NXPE2: variants seen among roughly 807,000 people sequenced by gnomAD.
NXPE2 encodes neurexophilin and PC-esterase domain family member 2.
A neutral mutation model predicts 34.4 loss-of-function variants in NXPE2; 34 were observed. The ratio of observed to expected loss-of-function variants is 0.99; its 90% CI spans 0.75 to 1.31. NXPE2 has a LOEUF of 1.31. Among genes scored for constraint, NXPE2 ranks in the 40% most tolerant of loss-of-function variants. The probability of loss-of-function intolerance (pLI) is 0.00; values close to 1 mark genes in which losing one functional copy is unlikely to be tolerated. For synonymous variants in NXPE2, 235 were observed against 231.3 expected (o/e 1.02, Z -0.15); for missense variants, 649 against 672.5 (o/e 0.97, Z 0.39).
the NXPE2 span, among the ~76,000 whole-genome samples, chr11:114,739,023 G>T: frequency 6.6e-6 from 1 of 152,142 alleles, no homozygotes; most frequent in Non-Finnish European, 1.5e-5. Flanking sequence ...AATGAAAGTA[G>T]AAGACAAATG....
chr11:114,495,694 A>T, the NXPE2 span, among the ~76,000 whole-genome samples: 1 of 152,258 alleles, frequency 6.6e-6, no homozygotes, highest in East Asian at 1.9e-4. Context: ...CTATTAGCTT[A>T]TTCAGGGCCT....
At chr11:114,654,667 T>C in the NXPE2 span, among the ~76,000 whole-genome samples, 2 of 152,230 alleles carry the variant, frequency 1.3e-5, no homozygotes. Context: ...TTTTTATGGA[T>C]GCATAGTATT....
intron 2 of NXPE2, among the ~76,000 whole-genome samples, chr11:114,691,985 T>C (rs1249027797): frequency 6.6e-6 from 1 of 152,128 alleles, no homozygotes; most frequent in Admixed American, 6.5e-5. Context: ...AGGAGAAACT[T>C]TGGCTTCAGA....
At chr11:114,538,817 C>T in the NXPE2 span, among the ~76,000 whole-genome samples, 2 of 152,118 alleles carry the variant, frequency 1.3e-5, no homozygotes, top group Non-Finnish European at 2.9e-5. Context: ...GAAATAGGAA[C>T]ACTTTTACAT....
chr11:114,683,205 A>G (rs2135535198), intron 2 of NXPE2, among the ~76,000 whole-genome samples: 1 of 152,150 alleles, frequency 6.6e-6, no homozygotes, highest in Admixed American at 6.5e-5. Context: ...GCTGTTCATG[A>G]CTTGCTTGGA....
chr11:114,690,458 A>T (rs1324980583), intron 2 of NXPE2, among the ~76,000 whole-genome samples: 1 of 152,094 alleles, frequency 6.6e-6, no homozygotes, highest in African/African-American at 2.4e-5. Context: ...TTCAGCTGAG[A>T]AGTCTGCTGT....
At chr11:114,618,779 A>G in the NXPE2 span, among the ~76,000 whole-genome samples, 2 of 152,032 alleles carry the variant, frequency 1.3e-5, no homozygotes, top group Non-Finnish European at 2.9e-5. Context: ...GTGGATAAAA[A>G]GTGTTGCCTC....
chr11:114,497,491 T>A, the NXPE2 span, among the ~76,000 whole-genome samples: 1 of 150,746 alleles, frequency 6.6e-6, no homozygotes, highest in African/African-American at 2.4e-5. Context: ...TTAACCGTAC[T>A]TTTTCTATGT....
chr11:114,780,967 G>A, the NXPE2 span, among the ~76,000 whole-genome samples: 2 of 152,202 alleles, frequency 1.3e-5, no homozygotes, highest in Non-Finnish European at 2.9e-5. Flanking sequence ...GTGCAGCGGC[G>A]TGAGGCTTGC....
chr11:114,692,755 T>C (rs1179985875), intron 2 of NXPE2, among the ~76,000 whole-genome samples: 1 of 152,238 alleles, frequency 6.6e-6, no homozygotes, highest in Non-Finnish European at 1.5e-5. Context: ...AAGCATTCTC[T>C]ACTAGCTAAT....
chr11:114,729,075 C>T, the NXPE2 span, among the ~76,000 whole-genome samples: 1 of 152,094 alleles, frequency 6.6e-6, no homozygotes, highest in East Asian at 1.9e-4. Flanking sequence ...CCCCTCCCTT[C>T]CTCCCTATTC....
downstream of NXPE2, among the ~76,000 whole-genome samples, chr11:114,711,507 A>G (rs79418550): frequency 6.6e-6 from 1 of 152,100 alleles, no homozygotes; most frequent in Non-Finnish European, 1.5e-5. Context: ...TAAGAAAACA[A>G]TCCCATTTCT....
intron 3 of NXPE2, 51 bp from the exon 4 acceptor site, chr11:114,703,940 C>T (rs1361864576): frequency 1.5e-6 from 2 of 1,318,262 alleles, no homozygotes; most frequent in African/African-American, 1.5e-5. Context: ...GTGATTCCTA[C>T]TTTATTATCT....
At chr11:114,797,444 A>T in the NXPE2 span, among the ~76,000 whole-genome samples, 1 of 152,036 alleles carries the variant, frequency 6.6e-6, no homozygotes, top group South Asian at 2.1e-4. Flanking sequence ...TCTCAAGGAG[A>T]TGCTTAAATA....
the NXPE2 span, among the ~76,000 whole-genome samples, chr11:114,753,286 G>A: frequency 4.6e-5 from 7 of 152,242 alleles, no homozygotes; most frequent in African/African-American, 9.6e-5. Context: ...CCAGCTACTC[G>A]GAAGGCTGAC....
chr11:114,607,936 G>T, the NXPE2 span, among the ~76,000 whole-genome samples: 11 of 151,910 alleles, frequency 7.2e-5, no homozygotes, highest in Admixed American at 6.6e-4. Flanking sequence ...ATTGCCTCAT[G>T]TCTAACCACT....
At chr11:114,574,671 C>G in the NXPE2 span, among the ~76,000 whole-genome samples, 1 of 151,996 alleles carries the variant, frequency 6.6e-6, no homozygotes. Flanking sequence ...CTGAACAGAC[C>G]AGTAACAAAC....
the NXPE2 span, among the ~76,000 whole-genome samples, chr11:114,630,916 T>G: frequency 6.6e-6 from 1 of 151,236 alleles, no homozygotes; most frequent in African/African-American, 2.4e-5. Flanking sequence ...AAAAAACACA[T>G]GAAAAAATGC....
chr11:114,698,214 C>A lies in NXPE2; in HGVS notation c.302C>A (p.Thr101Asn), dbSNP rs1442995720. ...LDQQIPPRPF[T>N]HVNTTTSATH... The stretch of plus-strand genomic sequence containing the variant: ...CAGCAGATCCCACCCAGACCTTTCA[C>A]CCATGTGAATACCACCACCAGTGCC... The change falls in exon 3 of 6, where the codon ACC becomes AAC. Residue 101 changes from threonine (T) to asparagine (N), a missense_variant. Coordinates refer to ENST00000389586, the MANE Select transcript of NXPE2 (RefSeq NM_182495.6). 6.2e-7 allele frequency: 1 copy of A among 1,614,088 alleles called. No homozygotes were observed. The highest frequency in any genetic ancestry group is 8.5e-7 in the Non-Finnish European group (1 of 1,179,942).
Sources: allele counts gnomAD v4.1 joint callset (sites outside exome capture counted in the v4.1 genomes callset), GRCh38; gene constraint gnomAD v4.1.1; transcripts MANE v1.5; gene names NCBI Gene and HGNC (gene_info 2026-07-23, HGNC 2026-07-21).